PELI1: variants seen among roughly 807,000 people sequenced by gnomAD.
The protein encoded by PELI1 is pellino E3 ubiquitin protein ligase 1.
PELI1 carries 15 observed loss-of-function variants against 41.3 expected under a neutral mutation model. The observed-to-expected ratio is 0.36, with a 90% CI of 0.24 to 0.56. The LOEUF is 0.56. Among genes scored for constraint, PELI1 ranks in the 20% least tolerant of loss-of-function variants. The pLI is 0.82. For synonymous variants in PELI1, 178 were observed against 180.1 expected (o/e 0.99, Z 0.09); for missense variants, 403 against 525.5 (o/e 0.77, Z 2.28).
intron 1 of PELI1, among the ~76,000 whole-genome samples, chr2:64,119,961 A>G (rs1681151719): frequency 6.6e-6 from 1 of 152,364 alleles, no homozygotes; most frequent in African/African-American, 2.4e-5. Context: ...AGCACTATTA[A>G]GTGAAACTGA....
intron 3 of PELI1, among the ~76,000 whole-genome samples, chr2:64,102,077 G>A (rs753365066): frequency 2.6e-5 from 4 of 151,768 alleles, no homozygotes; most frequent in Admixed American, 6.6e-5. Context: ...CACCCACCTC[G>A]GCCTCCCAAA....
chr2:64,138,774 C>T (rs547352111), intron 1 of PELI1, among the ~76,000 whole-genome samples: 2 of 152,182 alleles, frequency 1.3e-5, no homozygotes, highest in Admixed American at 6.5e-5. Flanking sequence ...CATCCTCCTC[C>T]GAACCTCATA....
chr2:64,114,739 G>A (rs1299857226), intron 1 of PELI1, among the ~76,000 whole-genome samples: 1 of 152,118 alleles, frequency 6.6e-6, no homozygotes, highest in Non-Finnish European at 1.5e-5. Context: ...GCATTGTAGG[G>A]GGTTCAGCAG....
At chr2:64,143,512 G>T (rs894845663) in intron 1 of PELI1, 1 of 152,108 alleles carries the variant, frequency 6.6e-6, no homozygotes, top group Admixed American at 6.5e-5. Context: ...GGAAACGGGC[G>T]TATTAACTTG....
intron 1 of PELI1, among the ~76,000 whole-genome samples, chr2:64,137,308 C>T (rs1309835321): frequency 6.6e-6 from 1 of 152,210 alleles, no homozygotes; most frequent in Non-Finnish European, 1.5e-5. Context: ...TCTCTTAACA[C>T]TAACATGTGT....
chr2:64,142,268 G>T (rs1030557233), intron 1 of PELI1, among the ~76,000 whole-genome samples: 1 of 151,962 alleles, frequency 6.6e-6, no homozygotes, highest in African/African-American at 2.4e-5. Context: ...ACATACTATA[G>T]AAAGGGAACA....
chr2:64,126,986 C>T (rs1454218365), intron 1 of PELI1, among the ~76,000 whole-genome samples: 1 of 152,144 alleles, frequency 6.6e-6, no homozygotes, highest in Non-Finnish European at 1.5e-5. Flanking sequence ...AGCTCAGTGA[C>T]TGTTAGGAAG....
In PELI1 at chr2:64,095,084, G is replaced by A. The variant is rs776769516; in HGVS notation, c.875C>T (p.Pro292Leu). 1 of 1,614,160 alleles carries A rather than the reference G, an allele frequency of 6.2e-7. No individual in the cohort carries two copies. The highest frequency in any genetic ancestry group is 1.1e-5 in the South Asian group (1 of 91,088). ...CPVGFNTLAFPSMKRKDVVDE... is the reference protein window; with the variant it reads ...CPVGFNTLAFLSMKRKDVVDE... ...TACAACGTCTTTCCTCTTCATACTA[G>A]GAAATGCTAGTGTGTTGAACCCTAC... The change falls in exon 7 of 7, where the codon CCT becomes CTT. Residue 292 changes from proline to leucine, a missense_variant. Pro to Leu is a moderately conservative substitution (Grantham distance 98). Transcript: ENST00000358912.
chr2:64,114,759 C>A (rs988889310), intron 1 of PELI1, among the ~76,000 whole-genome samples: 1 of 152,158 alleles, frequency 6.6e-6, no homozygotes, highest in Non-Finnish European at 1.5e-5. Flanking sequence ...GTATCTCTGG[C>A]CTTTCTGTTC....
At position 64,094,983 on chromosome 2, in the gene PELI1, GTTC is replaced by G. The variant is rs765861978; in HGVS notation, c.973_975del (p.Glu325del). On this transcript the variant is annotated inframe_deletion, in exon 7 of 7. Transcript: ENST00000358912. ...GGACATTCACGATCTTTTCCATCAC[GTTC>G]TTCTTTGTTTCCCCAGTTATGATAG... 3.1e-6 allele frequency: 5 copies of G among 1,614,078 alleles called. No individual in the cohort carries two copies. Among genetic ancestry groups the G allele is most frequent in the South Asian group, 2.2e-5 (2 of 91,084 alleles).
intron 1 of PELI1, among the ~76,000 whole-genome samples, chr2:64,115,043 C>T (rs12624273): frequency 0.31 from 46,447 of 151,738 alleles, 7,717 homozygotes; most frequent in East Asian, 0.77. Flanking sequence ...TAGTTGAAGG[C>T]GGGTGTAGTT....
chr2:64,120,853 T>C (rs1681184462), intron 1 of PELI1, among the ~76,000 whole-genome samples: 1 of 152,226 alleles, frequency 6.6e-6, no homozygotes, highest in East Asian at 1.9e-4. Context: ...CTTCTTACAA[T>C]GTGTCCACAG....
chr2:64,140,254 T>G (rs1196085414), intron 1 of PELI1, among the ~76,000 whole-genome samples: 1 of 152,198 alleles, frequency 6.6e-6, no homozygotes, highest in Non-Finnish European at 1.5e-5. Context: ...AAAAACTACA[T>G]GAAGATTAAC....
At chr2:64,134,883 CT>C (rs1341986668) in intron 1 of PELI1, among the ~76,000 whole-genome samples, 1 of 152,114 alleles carries the variant, frequency 6.6e-6, no homozygotes, top group Non-Finnish European at 1.5e-5. Context: ...TAAACTGTGC[CT>C]TCTAAAGATT....
intron 3 of PELI1, 200 bp downstream of exon 3, chr2:64,104,501 C>A: frequency 1.4e-6 from 1 of 738,778 alleles, no homozygotes; most frequent in Non-Finnish European, 1.9e-6. Flanking sequence ...CCTGGTTTGT[C>A]ATTTTTTTTT....
At chr2:64,113,685 ACATGAAAAGT>A (rs1680898787) in intron 1 of PELI1, among the ~76,000 whole-genome samples, 1 of 152,192 alleles carries the variant, frequency 6.6e-6, no homozygotes. Flanking sequence ...GGCTGGGAGA[ACATGAAAAGT>A]TACTCATAAA....
At chr2:64,109,610 G>A (rs1680738255) in intron 1 of PELI1, among the ~76,000 whole-genome samples, 1 of 152,182 alleles carries the variant, frequency 6.6e-6, no homozygotes, top group African/African-American at 2.4e-5. Context: ...AACCCGGGAG[G>A]AGGAGGTTGC....
intron 1 of PELI1, among the ~76,000 whole-genome samples, chr2:64,137,874 AT>A (rs1553359733): frequency 1.3e-5 from 2 of 151,784 alleles, no homozygotes; most frequent in Admixed American, 1.3e-4. Context: ...GACAAAAAAA[AT>A]TTTTTTTTCT....
At chr2:64,124,948 T>TC (rs1330056256) in intron 1 of PELI1, among the ~76,000 whole-genome samples, 1 of 152,162 alleles carries the variant, frequency 6.6e-6, no homozygotes, top group Non-Finnish European at 1.5e-5. Flanking sequence ...CACAACCCCC[T>TC]CCTCAGGTTC....
Sources: allele counts gnomAD v4.1 joint callset (sites outside exome capture counted in the v4.1 genomes callset), GRCh38; gene constraint gnomAD v4.1.1; transcripts MANE v1.5; gene names NCBI Gene and HGNC (gene_info 2026-07-23, HGNC 2026-07-21).